MPP7: variants seen among roughly 807,000 people sequenced by gnomAD.
MPP7 encodes the protein MAGUK p55 subfamily member 7.
Under a neutral mutation model 76.5 loss-of-function variants are expected in MPP7, and 60 were observed. The observed-to-expected ratio is 0.78, with a 90% CI of 0.64 to 0.97. The LOEUF is 0.97. Among genes scored for constraint, MPP7 ranks in the 50% least tolerant of loss-of-function variants. The pLI is 0.00. For missense variants in MPP7, 641 were observed against 694.0 expected, an observed-to-expected ratio of 0.92 and a Z score of 0.86; for synonymous variants, 237 against 244.5, an observed-to-expected ratio of 0.97 and a Z score of 0.29.
chr10:28,303,740 A>G (rs1339475744), upstream of MPP7, among the ~76,000 whole-genome samples: 1 of 152,244 alleles, frequency 6.6e-6, no homozygotes, highest in East Asian at 1.9e-4. Context: ...CAGAGAACTG[A>G]TTCTTTCACA....
At chr10:28,113,523 C>T (rs986158712) in intron 11 of MPP7, among the ~76,000 whole-genome samples, 1 of 152,072 alleles carries the variant, frequency 6.6e-6, no homozygotes, top group Non-Finnish European at 1.5e-5. Context: ...ACAAGAGCCC[C>T]AAGAGTGTCT....
rs74354951 is a variant in MPP7, at chr10:28,123,775, A to G, written c.615+256T>C. ...ATATAAGCCACCACACTCGGCCCTA[A>G]AACTCTTTATATATACTATCTCATT... On this transcript the variant is annotated intron_variant, in intron 8 of 16. Transcript: ENST00000683449. 7.5e-3 allele frequency among the ~76,000 whole-genome samples: 1,135 copies of G among 152,046 alleles called. 10 individuals are homozygous for G. The highest frequency in any genetic ancestry group is 0.012 in the Non-Finnish European group (791 of 67,960).
At chr10:28,148,666 T>C (rs1053193006) in intron 4 of MPP7, among the ~76,000 whole-genome samples, 8 of 152,170 alleles carry the variant, frequency 5.3e-5, no homozygotes, top group Non-Finnish European at 1.2e-4. Context: ...CAAAAAGACA[T>C]AAAGGTCATT....
At chr10:28,118,972 C>T in intron 11 of MPP7, 1 of 985,308 alleles carries the variant, frequency 1.0e-6, no homozygotes, top group African/African-American at 1.7e-5. Flanking sequence ...AACCATGAAA[C>T]ATCTAGGCGA....
chr10:28,326,309 T>C (rs1834414897), intron 2 of MPP7, among the ~76,000 whole-genome samples: 1 of 152,196 alleles, frequency 6.6e-6, no homozygotes, highest in African/African-American at 2.4e-5. Flanking sequence ...AAAAGACCGC[T>C]GTTCATCTTG....
At chr10:28,205,098 G>A (rs1452504344) in intron 2 of MPP7, among the ~76,000 whole-genome samples, 2 of 152,116 alleles carry the variant, frequency 1.3e-5, no homozygotes, top group African/African-American at 2.4e-5. Context: ...AGTAACAAGA[G>A]CCGTACCTTC....
intron 11 of MPP7, among the ~76,000 whole-genome samples, chr10:28,115,879 A>C (rs1263625434): frequency 6.6e-6 from 1 of 152,182 alleles, no homozygotes; most frequent in Non-Finnish European, 1.5e-5. Context: ...TCTACAATAA[A>C]ATATTTTGTG....
chr10:28,318,488 C>A (rs1313587062), intron 2 of MPP7, among the ~76,000 whole-genome samples: 1 of 152,140 alleles, frequency 6.6e-6, no homozygotes, highest in Admixed American at 6.5e-5. Context: ...GAGTTTGAGA[C>A]CAGCCTGGCC....
intron 1 of MPP7, among the ~76,000 whole-genome samples, chr10:28,247,393 G>T (rs1020165433): frequency 7.9e-5 from 12 of 152,100 alleles, no homozygotes; most frequent in Admixed American, 6.5e-5. Flanking sequence ...TCAAATTAAG[G>T]ACAGCACTAA....
intron 2 of MPP7, among the ~76,000 whole-genome samples, chr10:28,210,286 A>G (rs571826856): frequency 6.6e-6 from 1 of 152,340 alleles, no homozygotes; most frequent in East Asian, 1.9e-4. Flanking sequence ...GTACAAAAGT[A>G]ATCACAGTTT....
chr10:28,276,302 A>G lies in MPP7; in HGVS notation c.-132+26559T>C, dbSNP rs191077607. Among the ~76,000 whole-genome samples the G allele has an allele frequency of 5.0e-3, 760 of 152,222 alleles. 29 individuals are homozygous for G. The highest frequency in any genetic ancestry group is 0.046 in the Admixed American group (705 of 15,296). On this transcript the variant is annotated intron_variant, in intron 1 of 16. Transcript: ENST00000683449. ...CGCCTCGGCCTCCCAGAGTGCTGGGATTACAGGCATGAGCCACCGTGCCTG... is the reference window on the plus strand; with the variant it reads ...CGCCTCGGCCTCCCAGAGTGCTGGGGTTACAGGCATGAGCCACCGTGCCTG...
intron 11 of MPP7, among the ~76,000 whole-genome samples, chr10:28,096,490 G>C (rs966822360): frequency 6.6e-6 from 1 of 152,254 alleles, no homozygotes; most frequent in East Asian, 1.9e-4. Flanking sequence ...TTTTGGAGTA[G>C]AGTCTTCATA....
Position 28,238,691 on chromosome 10 carries a change from G to A in MPP7, c.-87C>T, listed in dbSNP as rs973960140. ...ACAGGGAATTCCAATTCAACAGCCTGCAGCCACGTTGTCTACCAAGATCTG... is the reference window on the plus strand; with the variant it reads ...ACAGGGAATTCCAATTCAACAGCCTACAGCCACGTTGTCTACCAAGATCTG... On this transcript the variant is annotated 5_prime_UTR_variant, in exon 2 of 17. Coordinates refer to ENST00000683449, the MANE Select transcript of MPP7 (RefSeq NM_001318170.2). The A allele has an allele frequency of 8.9e-5, 116 of 1,296,908 alleles. No homozygotes were observed. Among genetic ancestry groups the A allele is most frequent in the Non-Finnish European group, 1.2e-4 (109 of 894,702 alleles). 80.3% of individuals were successfully genotyped at this position (1,296,908 alleles called of 1,614,324 possible). A position where few individuals can be genotyped will look rare whatever the true frequency, so the allele number is the denominator to read the frequency against.
chr10:28,188,496 T>G (rs901033610), intron 3 of MPP7, among the ~76,000 whole-genome samples: 3 of 152,134 alleles, frequency 2.0e-5, no homozygotes, highest in Non-Finnish European at 4.4e-5. Flanking sequence ...AAAGGACTTT[T>G]CCATTTGTAG....
chr10:28,274,860 A>G (rs1589016710), intron 1 of MPP7, among the ~76,000 whole-genome samples: 1 of 152,170 alleles, frequency 6.6e-6, no homozygotes, highest in African/African-American at 2.4e-5. Flanking sequence ...AGCTACTCTC[A>G]TTATATGACT....
intron 13 of MPP7, among the ~76,000 whole-genome samples, chr10:28,065,090 T>A (rs1398945109): frequency 6.6e-6 from 1 of 152,236 alleles, no homozygotes; most frequent in Non-Finnish European, 1.5e-5. Flanking sequence ...ATAGTAAGCC[T>A]AAGTAAAAAG....
intron 3 of MPP7, among the ~76,000 whole-genome samples, chr10:28,201,196 T>C (rs748966775): frequency 1.2e-4 from 18 of 152,174 alleles, no homozygotes; most frequent in Non-Finnish European, 2.2e-4. Flanking sequence ...TCTTAAGAAT[T>C]GTCACTGCTG....
chr10:28,212,665 T>C (rs1036454817), intron 2 of MPP7, among the ~76,000 whole-genome samples: 2 of 152,058 alleles, frequency 1.3e-5, no homozygotes, highest in Admixed American at 6.6e-5. Flanking sequence ...GTCTCCAAAG[T>C]TAGGCGATGC....
intron 2 of MPP7, among the ~76,000 whole-genome samples, chr10:28,220,435 A>C (rs1564711533): frequency 1.3e-5 from 2 of 152,202 alleles, no homozygotes. Context: ...TACTTGAAGT[A>C]ATTGGCTATA....
Sources: gnomAD v4.1 joint callset for allele counts (sites outside exome capture counted in the v4.1 genomes callset) on GRCh38, gnomAD v4.1.1 for gene constraint, MANE v1.5 for transcripts, NCBI Gene and HGNC (gene_info 2026-07-23, HGNC 2026-07-21) for gene names.